The following GABRD variants were observed in gnomAD, a reference collection of about 807,000 sequenced individuals.
The protein encoded by GABRD is gamma-aminobutyric acid receptor subunit delta.
Under a neutral mutation model 47.3 loss-of-function variants are expected in GABRD, and 25 were observed. That is an observed-to-expected ratio of 0.53 (90% CI 0.39 to 0.74). The LOEUF (loss-of-function observed/expected upper bound fraction) is 0.74. Ranked by LOEUF, GABRD falls within the 30% of genes least tolerant of loss-of-function variation. The pLI is 0.00. For synonymous variants in GABRD, 314 were observed against 278.8 expected, an observed-to-expected ratio of 1.13 and a Z score of -1.26; for missense variants, 497 against 643.4, an observed-to-expected ratio of 0.77 and a Z score of 2.46.
At position 2,024,923 on chromosome 1, in the gene GABRD, G is replaced by C. The variant is rs2376805; in HGVS notation, c.69-19G>C. ...AAATTAAGTCCTGGCCTGTCTGACC[G>C]GTGGCTTTGCATCCCCAGAGCGATG... is the stretch of plus-strand genomic sequence containing the variant. On this transcript the variant is annotated intron_variant, in intron 1 of 8. Coordinates refer to ENST00000378585, the MANE Select transcript of GABRD (RefSeq NM_000815.5). 6.4e-7 allele frequency: 1 copy of C among 1,569,784 alleles called. No homozygotes were observed. The highest frequency in any genetic ancestry group is 1.1e-5 in the South Asian group (1 of 90,048).
At chr1:2,021,339 A>G (rs1658772275) in intron 1 of GABRD, among the ~76,000 whole-genome samples, 1 of 152,132 alleles carries the variant, frequency 6.6e-6, no homozygotes, top group Non-Finnish European at 1.5e-5. Flanking sequence ...AGCACCTGCC[A>G]ACTCAGCCCT....
rs765586784 is a variant in GABRD, at chr1:2,025,088, C to T, written c.181+34C>T. The T allele has an allele frequency of 4.0e-5, 62 of 1,556,478 alleles. 1 individual carries two copies. The highest frequency in any genetic ancestry group is 4.0e-4 in the South Asian group (35 of 88,278). On this transcript the variant is annotated intron_variant, in intron 2 of 8. Coordinates refer to ENST00000378585, the MANE Select transcript of GABRD (RefSeq NM_000815.5). ...CGGTCCAGGCCCGGCAGGCAGGAGC[C>T]GCTGGAGCCCAGGCTAGGCCGTGGC...
At chr1:2,020,894 T>C (rs1319444825) in intron 1 of GABRD, among the ~76,000 whole-genome samples, 1 of 152,254 alleles carries the variant, frequency 6.6e-6, no homozygotes, top group Non-Finnish European at 1.5e-5. Flanking sequence ...GGATTATTTA[T>C]ATACACTTCC....
In GABRD at chr1:2,025,586, C is replaced by G; in HGVS notation, c.318C>G (p.Asn106Lys). Residue 106 changes from asparagine (N) to lysine (K), a missense_variant, in exon 4 of 9, where the codon AAC becomes AAG. Physicochemically the swap from Asn to Lys is moderately conservative, Grantham distance 94 (BLOSUM62 0). Coordinates refer to ENST00000378585, the MANE Select transcript of GABRD (RefSeq NM_000815.5). The part of the protein sequence containing the change: ...RDSRLSYNHT[N>K]ETLGLDSRFV... Reference sequence around the variant, plus strand: ...GCAGGCTCTCCTACAACCACACCAACGAGACCCTGGGTCTGGACAGCCGCT... The same window carrying G: ...GCAGGCTCTCCTACAACCACACCAAGGAGACCCTGGGTCTGGACAGCCGCT... The G allele has an allele frequency of 1.2e-6, 2 of 1,613,078 alleles. No homozygotes were observed. The highest frequency in any genetic ancestry group is 1.7e-6 in the Non-Finnish European group (2 of 1,180,004).
Position 2,019,463 on chromosome 1 carries a change from C to T in GABRD, c.40C>T (p.Leu14Phe). ...CCGGCTGCTGGCCCCGCTCCTGCTC[C>T]TCTGCGCGCAGCAGCTCCGCGGCAC... ...PARLLAPLLLLCAQQLRGTRA... is the reference protein window; with the variant it reads ...PARLLAPLLLFCAQQLRGTRA... Residue 14 changes from leucine to phenylalanine, a missense_variant, in exon 1 of 9, where the codon CTC (leucine) becomes TTC (phenylalanine). Around this residue, in one of 3 missense-constraint regions of GABRD, gnomAD observed 91 missense variants for 85.5 expected, o/e 1.06. Coordinates refer to ENST00000378585, the MANE Select transcript of GABRD (RefSeq NM_000815.5). 9.0e-7 allele frequency: 1 copy of T among 1,110,182 alleles called. No individual in the cohort carries two copies. The allele number at this position is 1,110,182 out of a possible 1,614,324, so 68.8% of individuals were successfully genotyped here.
In GABRD at chr1:2,028,270, G is replaced by T. The variant is rs763261978; in HGVS notation, c.669G>T (p.Thr223=). Residue 223 remains threonine, a synonymous_variant, in exon 6 of 9, where the codon ACG becomes ACT. Transcript: ENST00000378585. The surrounding 1 kb of genome is among the most constrained non-coding windows in gnomAD (Gnocchi z 6.4). Reference sequence around the variant, plus strand: ...CCATCACCAGCTACCGCTTCACCACGGAGCTGATGAACTTCAAGTCCGGTA... The same window carrying T: ...CCATCACCAGCTACCGCTTCACCACTGAGCTGATGAACTTCAAGTCCGGTA... ...QFTITSYRFT[T]ELMNFKSAGQ... The T allele has an allele frequency of 1.2e-6, 2 of 1,611,468 alleles. No individual in the cohort carries two copies. The highest frequency in any genetic ancestry group is 3.3e-5 in the Admixed American group (2 of 59,958).
intron 2 of GABRD, 35 bp downstream of exon 2, chr1:2,025,089 G>T (rs368994247): frequency 3.1e-5 from 48 of 1,553,810 alleles, no homozygotes; most frequent in Non-Finnish European, 4.1e-5. Context: ...GGCAGGAGCC[G>T]CTGGAGCCCA....
At chr1:2,029,530 G>A in intron 7 of GABRD, 21 bp from the exon 8 acceptor site, 1 of 1,610,662 alleles carries the variant, frequency 6.2e-7, no homozygotes, top group African/African-American at 1.3e-5. Context: ...CTACGACAAT[G>A]GCACCACCTG....
At chr1:2,025,276 T>C (rs1658888746) in intron 2 of GABRD, 58 bp from the exon 3 acceptor site, 5 of 1,594,456 alleles carry the variant, frequency 3.1e-6, no homozygotes, top group African/African-American at 2.7e-5. Context: ...CAGGGTCCCA[T>C]CGTGGCTCCC....
chr1:2,027,130 T>A, intron 4 of GABRD: 1 of 304,076 alleles, frequency 3.3e-6, no homozygotes, highest in Non-Finnish European at 6.3e-6. Context: ...ACCACTGCAC[T>A]CCAGCTTGGG....
At position 2,025,553 on chromosome 1, in the gene GABRD, G is replaced by A; in HGVS notation, c.285G>A (p.Trp95Ter). 1 of 1,613,096 alleles carries A rather than the reference G, an allele frequency of 6.2e-7. No homozygotes were observed. The highest frequency in any genetic ancestry group is 8.5e-7 in the Non-Finnish European group (1 of 1,180,010). The change falls in exon 4 of 9, where the codon TGG becomes TGA. Residue 95 changes from tryptophan (W) to a stop codon, truncating the protein, a stop_gained. Coordinates refer to ENST00000378585, the MANE Select transcript of GABRD (RefSeq NM_000815.5). LOFTEE classifies it high-confidence loss of function. The part of the protein sequence containing the change: ...YTMTVFLHQS[W>*]RDSRLSYNHT... ...TGACGGTGTTCCTGCACCAGAGCTG[G>A]CGGGACAGCAGGCTCTCCTACAACC...
In GABRD at chr1:2,027,601, C is replaced by A; in HGVS notation, c.495C>A (p.Asp165Glu). 6.2e-7 allele frequency: 1 copy of A among 1,613,828 alleles called. No homozygotes were observed. Among genetic ancestry groups the A allele is most frequent in the Non-Finnish European group, 8.5e-7 (1 of 1,179,950 alleles). ...SIRITSTVACDMDLAKYPMDE... is the reference protein window; with the variant it reads ...SIRITSTVACEMDLAKYPMDE... Reference sequence around the variant, plus strand: ...GAATCACCTCCACTGTGGCCTGCGACATGGACCTGGCCAAATACCCCATGG... The same window carrying A: ...GAATCACCTCCACTGTGGCCTGCGAAATGGACCTGGCCAAATACCCCATGG... The change falls in exon 5 of 9, where the codon GAC becomes GAA. Residue 165 changes from aspartate (D) to glutamate (E), a missense_variant. Coordinates refer to ENST00000378585, the MANE Select transcript of GABRD (RefSeq NM_000815.5).
intron 1 of GABRD, among the ~76,000 whole-genome samples, chr1:2,020,202 G>A (rs1019204484): frequency 8.5e-5 from 13 of 152,290 alleles, no homozygotes; most frequent in Admixed American, 4.6e-4. Flanking sequence ...GGCCTACAGT[G>A]CCCCCCCATC....
intron 7 of GABRD, 62 bp from the exon 8 acceptor site, chr1:2,029,489 A>C (rs1026792771): frequency 1.0e-4 from 166 of 1,596,440 alleles, no homozygotes; most frequent in Admixed American, 2.3e-4. Context: ...CACAGGCATC[A>C]AGGCTGGGAT....
intron 1 of GABRD, among the ~76,000 whole-genome samples, chr1:2,022,740 G>A (rs72636353): frequency 0.011 from 1,705 of 152,322 alleles, 14 homozygotes; most frequent in Non-Finnish European, 0.017. Flanking sequence ...CTCCTCCTTA[G>A]CCCTGTGCCG....
At chr1:2,021,574 G>A (rs1658778353) in intron 1 of GABRD, among the ~76,000 whole-genome samples, 1 of 152,218 alleles carries the variant, frequency 6.6e-6, no homozygotes, top group Non-Finnish European at 1.5e-5. Context: ...AAGGGAGTGT[G>A]CTGCGTGGCG....
At position 2,020,682 on chromosome 1, in the gene GABRD, G is replaced by C. The variant is rs371777783; in HGVS notation, c.68+1191G>C. On this transcript the variant is annotated intron_variant, in intron 1 of 8. Transcript: ENST00000378585. ...CAAGGTGAGAGGAAGGACGAAGCTC[G>C]GGGCACAGTTGTGGATGCTGTGCTG... is the stretch of plus-strand genomic sequence containing the variant. Among the ~76,000 whole-genome samples, 6 of 152,310 alleles carry C rather than the reference G, an allele frequency of 3.9e-5. No homozygotes were observed. In the South Asian group the frequency reaches 1.0e-3, roughly 26 times the overall value.
intron 4 of GABRD, 129 bp from the exon 5 acceptor site, chr1:2,027,448 C>T (rs989103106): frequency 5.3e-6 from 4 of 752,280 alleles, no homozygotes; most frequent in African/African-American, 5.2e-5. Context: ...GGATTCTGGG[C>T]AAACACAGTC....
At position 2,019,463 on chromosome 1, in the gene GABRD, C is replaced by A; in HGVS notation, c.40C>A (p.Leu14Ile). The A allele has an allele frequency of 9.0e-7, 1 of 1,110,182 alleles. No individual in the cohort carries two copies. The highest frequency in any genetic ancestry group is 1.1e-6 in the Non-Finnish European group (1 of 912,154). 68.8% of individuals were successfully genotyped at this position (1,110,182 alleles called of 1,614,324 possible). A position where few individuals can be genotyped will look rare whatever the true frequency, so the allele number is the denominator to read the frequency against. The change falls in exon 1 of 9, where the codon CTC (leucine) becomes ATC (isoleucine). Residue 14 changes from leucine (L) to isoleucine (I), a missense_variant. This residue lies in a region of GABRD where 91 missense variants were observed against 85.5 expected (regional missense o/e 1.06). Transcript: ENST00000378585. ...CCGGCTGCTGGCCCCGCTCCTGCTC[C>A]TCTGCGCGCAGCAGCTCCGCGGCAC... is the stretch of plus-strand genomic sequence containing the variant. ...PARLLAPLLL[L>I]CAQQLRGTRA...
Sources: gnomAD v4.1 joint callset for allele counts (sites outside exome capture counted in the v4.1 genomes callset) on GRCh38, gnomAD v4.1.1 for gene constraint, gnomAD v4.1.1 regional missense constraint, Gnocchi (gnomAD v3.1) non-coding constraint, MANE v1.5 for transcripts, NCBI Gene and HGNC (gene_info 2026-07-23, HGNC 2026-07-21) for gene names.